The following CSMD1 variants were observed in gnomAD, a reference collection of about 807,000 sequenced individuals.
The protein encoded by CSMD1 is CUB and Sushi multiple domains 1, also known as CUB and sushi domain-containing protein 1.
In CSMD1, 213 loss-of-function variants were observed where a neutral mutation model predicts 417.5. The observed-to-expected ratio is 0.51, with a 90% CI of 0.46 to 0.57. The LOEUF (loss-of-function observed/expected upper bound fraction) is 0.57, where lower values mean the gene tolerates loss of function less well. CSMD1 is among the 20% of genes least tolerant of loss of function. The pLI is 0.00. For synonymous variants in CSMD1, 2,862 were observed against 1,736.8 expected, an observed-to-expected ratio of 1.65 and a Z score of -16.11; for missense variants, 6,923 against 4,529.7, an observed-to-expected ratio of 1.53 and a Z score of -15.17.
At chr8:3,927,675 A>G (rs1206998740) in intron 5 of CSMD1, among the ~76,000 whole-genome samples, 1 of 152,184 alleles carries the variant, frequency 6.6e-6, no homozygotes, top group Non-Finnish European at 1.5e-5. Context: ...CTTCATCTCA[A>G]AATAGAAAAG....
chr8:2,983,282 A>G (rs192646785), intron 54 of CSMD1, among the ~76,000 whole-genome samples: 1,673 of 151,900 alleles, frequency 0.011, 44 homozygotes, highest in African/African-American at 0.038. Flanking sequence ...CACCTGCTGG[A>G]TTCACGCCAT....
chr8:3,603,445 C>A lies in CSMD1; in HGVS notation c.1097+13265G>T, dbSNP rs548435341. On this transcript the variant is annotated intron_variant, in intron 8 of 69. Transcript: ENST00000635120. ...AAGCCTCCTTTCTTTATATGACAAA[C>A]CTGGACTGAGCGCCCAATCCCACTT... Among the ~76,000 whole-genome samples the A allele has an allele frequency of 7.2e-5, 11 of 152,262 alleles. No homozygotes were observed. In the South Asian group the frequency reaches 2.3e-3, roughly 32 times the overall value.
chr8:3,705,375 C>G (rs75249163), intron 7 of CSMD1, among the ~76,000 whole-genome samples: 1 of 152,158 alleles, frequency 6.6e-6, no homozygotes, highest in African/African-American at 2.4e-5. Context: ...GTGCTTCCCA[C>G]GGGCAGAATA....
chr8:4,812,028 G>C (rs1287153101), intron 1 of CSMD1, among the ~76,000 whole-genome samples: 1 of 152,166 alleles, frequency 6.6e-6, no homozygotes, highest in East Asian at 1.9e-4. Context: ...CAGGAGTCAA[G>C]CCCAAGAAAA....
At chr8:3,088,633 T>A (rs564362107) in intron 48 of CSMD1, among the ~76,000 whole-genome samples, 1 of 152,054 alleles carries the variant, frequency 6.6e-6, no homozygotes, top group East Asian at 1.9e-4. Context: ...ACCATTTCCT[T>A]TTTTTTAATG....
Position 3,379,246 on chromosome 8 carries a change from G to C in CSMD1, c.2782+8248C>G, listed in dbSNP as rs546661992. On this transcript the variant is annotated intron_variant, in intron 18 of 69. Coordinates refer to ENST00000635120, the MANE Select transcript of CSMD1 (RefSeq NM_033225.6). Reference sequence around the variant, plus strand: ...CAAACCACTGCTCAAGGAAATAAGAGAGGACACAAACAAATAAAAAAACAT... The same window carrying C: ...CAAACCACTGCTCAAGGAAATAAGACAGGACACAAACAAATAAAAAAACAT... Among the ~76,000 whole-genome samples, 328 of 152,246 alleles carry C rather than the reference G, an allele frequency of 2.2e-3. 1 individual carries two copies. Among genetic ancestry groups the C allele is most frequent in the African/African-American group, 7.4e-3 (308 of 41,558 alleles).
chr8:3,113,002 C>T (rs1816620027), intron 42 of CSMD1: 4 of 152,202 alleles, frequency 2.6e-5, no homozygotes, highest in Admixed American at 2.6e-4. Flanking sequence ...ATCAAAGGCA[C>T]GTTTGCATTT....
At chr8:4,824,401 C>T (rs1585163177) in intron 1 of CSMD1, among the ~76,000 whole-genome samples, 1 of 152,120 alleles carries the variant, frequency 6.6e-6, no homozygotes, top group East Asian at 1.9e-4. Context: ...GATTAAGTCC[C>T]TGAGACCTCT....
chr8:4,826,715 T>A (rs1410824603), intron 1 of CSMD1, among the ~76,000 whole-genome samples: 1 of 152,176 alleles, frequency 6.6e-6, no homozygotes, highest in African/African-American at 2.4e-5. Flanking sequence ...CTGCCTTTCG[T>A]GACCCTCATG....
At chr8:3,326,204 C>A (rs1365907900) in intron 23 of CSMD1, among the ~76,000 whole-genome samples, 2 of 152,202 alleles carry the variant, frequency 1.3e-5, no homozygotes, top group Admixed American at 6.5e-5. Flanking sequence ...ACATGTTGGT[C>A]AGTTAGCAAG....
At chr8:4,796,060 G>A (rs760542789) in intron 1 of CSMD1, among the ~76,000 whole-genome samples, 1 of 152,174 alleles carries the variant, frequency 6.6e-6, no homozygotes, top group Non-Finnish European at 1.5e-5. Flanking sequence ...CACCAGGAGA[G>A]CCACTGGCAT....
At chr8:4,352,481 A>G (rs752884071) in intron 3 of CSMD1, among the ~76,000 whole-genome samples, 12 of 152,350 alleles carry the variant, frequency 7.9e-5, no homozygotes, top group African/African-American at 1.2e-4. Flanking sequence ...TCTCCAGAAC[A>G]TATTTTCAGT....
chr8:3,059,041 T>C (rs1812414870), intron 49 of CSMD1, among the ~76,000 whole-genome samples: 1 of 151,900 alleles, frequency 6.6e-6, no homozygotes. Flanking sequence ...TTTTTTCCGC[T>C]AACCCTGCGC....
chr8:4,163,220 T>G (rs1797268220), intron 3 of CSMD1, among the ~76,000 whole-genome samples: 1 of 152,178 alleles, frequency 6.6e-6, no homozygotes, highest in Non-Finnish European at 1.5e-5. Context: ...TCAGTACACG[T>G]AAGTTTTTAG....
At chr8:4,919,418 C>G (rs1346179499) in intron 1 of CSMD1, among the ~76,000 whole-genome samples, 1 of 152,026 alleles carries the variant, frequency 6.6e-6, no homozygotes, top group African/African-American at 2.4e-5. Context: ...ACCAAAATTT[C>G]CAATATAATA....
At chr8:4,539,755 G>A (rs949286069) in intron 2 of CSMD1, among the ~76,000 whole-genome samples, 1 of 152,284 alleles carries the variant, frequency 6.6e-6, no homozygotes, top group East Asian at 1.9e-4. Context: ...TTTATCTTTA[G>A]TCACTTAGAA....
intron 2 of CSMD1, among the ~76,000 whole-genome samples, chr8:4,597,217 G>A (rs1351047987): frequency 6.6e-6 from 1 of 152,046 alleles, no homozygotes; most frequent in Non-Finnish European, 1.5e-5. Context: ...AATAAAGTGT[G>A]TAATTTCTAA....
intron 3 of CSMD1, among the ~76,000 whole-genome samples, chr8:4,315,115 C>T (rs779265011): frequency 6.6e-6 from 1 of 152,144 alleles, no homozygotes; most frequent in Non-Finnish European, 1.5e-5. Flanking sequence ...CTTCTTACAC[C>T]ATCGCAAGAG....
At chr8:4,349,786 G>C (rs1399798156) in intron 3 of CSMD1, among the ~76,000 whole-genome samples, 1 of 147,282 alleles carries the variant, frequency 6.8e-6, no homozygotes, top group African/African-American at 2.5e-5. Flanking sequence ...ATATTTATTT[G>C]TCTCAATTGC....
Sources: gnomAD v4.1 joint callset for allele counts (sites outside exome capture counted in the v4.1 genomes callset) on GRCh38, gnomAD v4.1.1 for gene constraint, MANE v1.5 for transcripts, NCBI Gene and HGNC (gene_info 2026-07-23, HGNC 2026-07-21) for gene names.